HIKESHI: variants seen among roughly 807,000 people sequenced by gnomAD.
HIKESHI encodes the protein heat shock protein nuclear import factor hikeshi.
A neutral mutation model predicts 25.7 loss-of-function variants in HIKESHI; 13 were observed. The observed-to-expected ratio is 0.51, with a 90% confidence interval of 0.33 to 0.80. The LOEUF is 0.80. HIKESHI is among the 30% of genes least tolerant of loss of function. The probability of loss-of-function intolerance (pLI) is 0.02; values close to 1 mark genes in which losing one functional copy is unlikely to be tolerated. For missense variants in HIKESHI, 174 were observed against 229.5 expected (o/e 0.76, Z 1.56); for synonymous variants, 76 against 78.7 (o/e 0.97, Z 0.18).
intron 2 of HIKESHI, among the ~76,000 whole-genome samples, chr11:86,318,303 C>CAAAAAAAAAAAAAAAAAAAAAAAAAAAAA (rs71040230): frequency 1.1e-3 from 38 of 35,660 alleles, no homozygotes; most frequent in Non-Finnish European, 1.5e-3. Context: ...GACTCCGTCT[C>CAAAAAAAAAAAAAAAAAAAAAAAAAAAAA]AAAAAAAAAA....
intron 2 of HIKESHI, among the ~76,000 whole-genome samples, chr11:86,331,461 C>T (rs1475285928): frequency 1.3e-5 from 2 of 152,126 alleles, no homozygotes; most frequent in Non-Finnish European, 2.9e-5. Flanking sequence ...AGCACTCCAG[C>T]CTGGACAACA....
At chr11:86,305,517 C>A (rs1436227311) in intron 1 of HIKESHI, among the ~76,000 whole-genome samples, 1 of 148,338 alleles carries the variant, frequency 6.7e-6, no homozygotes, top group African/African-American at 2.5e-5. Flanking sequence ...CTCCCGAGTA[C>A]CTGGGATTAC....
At chr11:86,339,771 G>A (rs1176241450) in intron 3 of HIKESHI, among the ~76,000 whole-genome samples, 1 of 151,950 alleles carries the variant, frequency 6.6e-6, no homozygotes, top group African/African-American at 2.4e-5. Context: ...TATACTTTAA[G>A]TTCTAGGGTA....
chr11:86,339,212 A>ATTT (rs34543869), intron 3 of HIKESHI, among the ~76,000 whole-genome samples: 1 of 151,652 alleles, frequency 6.6e-6, no homozygotes, highest in Non-Finnish European at 1.5e-5. Context: ...GGCCCAGCTA[A>ATTT]TTTTTTTTGT....
intron 3 of HIKESHI, among the ~76,000 whole-genome samples, chr11:86,338,773 CT>C (rs1947640280): frequency 6.6e-6 from 1 of 152,080 alleles, no homozygotes; most frequent in African/African-American, 2.4e-5. Flanking sequence ...AAATAAGCTG[CT>C]GTGCTGAAAA....
At chr11:86,308,442 T>C (rs1344274592) in intron 2 of HIKESHI, among the ~76,000 whole-genome samples, 1 of 147,586 alleles carries the variant, frequency 6.8e-6, no homozygotes, top group Admixed American at 7.0e-5. Flanking sequence ...GATAGACTTG[T>C]ATAAAGCAAA....
chr11:86,309,519 T>C (rs1189172988), intron 2 of HIKESHI, among the ~76,000 whole-genome samples: 1 of 152,190 alleles, frequency 6.6e-6, no homozygotes, highest in East Asian at 1.9e-4. Flanking sequence ...ATTCTGTGGG[T>C]TGCCTGTTCA....
chr11:86,315,324 C>G, intron 2 of HIKESHI, among the ~76,000 whole-genome samples: 1 of 149,586 alleles, frequency 6.7e-6, no homozygotes, highest in East Asian at 2.0e-4. Flanking sequence ...AATAAAATAA[C>G]TTCCTTTTTT....
intron 1 of HIKESHI, among the ~76,000 whole-genome samples, chr11:86,304,109 C>T (rs1946560403): frequency 6.6e-6 from 1 of 152,110 alleles, no homozygotes; most frequent in Admixed American, 6.5e-5. Context: ...GGTCAGAATA[C>T]TTCTGAAGAG....
At chr11:86,331,577 G>A (rs988466369) in intron 2 of HIKESHI, among the ~76,000 whole-genome samples, 1 of 152,184 alleles carries the variant, frequency 6.6e-6, no homozygotes, top group African/African-American at 2.4e-5. Flanking sequence ...ACATTAGGGT[G>A]TAAGCTCTTT....
chr11:86,315,177 A>G (rs1328438279), intron 2 of HIKESHI, among the ~76,000 whole-genome samples: 1 of 152,224 alleles, frequency 6.6e-6, no homozygotes, highest in Non-Finnish European at 1.5e-5. Context: ...ATTACTGAAC[A>G]TTAAATATAA....
chr11:86,310,017 T>C (rs1438002130), intron 2 of HIKESHI, among the ~76,000 whole-genome samples: 2 of 150,072 alleles, frequency 1.3e-5, no homozygotes, highest in Non-Finnish European at 3.0e-5. Flanking sequence ...CCAGCTTTGT[T>C]CTTTTGGCTT....
intron 2 of HIKESHI, among the ~76,000 whole-genome samples, chr11:86,333,561 A>C (rs1035060895): frequency 9.2e-5 from 14 of 151,582 alleles, no homozygotes; most frequent in East Asian, 3.9e-4. Flanking sequence ...AACAAACAAA[A>C]AAAAAAAAGA....
intron 3 of HIKESHI, among the ~76,000 whole-genome samples, chr11:86,340,913 G>C (rs1383463247): frequency 6.6e-6 from 1 of 152,202 alleles, no homozygotes; most frequent in Admixed American, 6.5e-5. Context: ...AAAGTGTTGG[G>C]ATTACAGGCG....
chr11:86,345,535 C>A, intron 4 of HIKESHI, 49 bp from the exon 5 acceptor site: 2 of 1,054,620 alleles, frequency 1.9e-6, no homozygotes, highest in Non-Finnish European at 1.4e-6. Context: ...AATGAAAGAT[C>A]CTATTTTAAT....
In HIKESHI at chr11:86,337,481, A is replaced by C. The variant is rs1227767254; in HGVS notation, c.371A>C (p.Gln124Pro). 6.2e-7 allele frequency: 1 copy of C among 1,613,962 alleles called. No homozygotes were observed. The highest frequency in any genetic ancestry group is 1.3e-5 in the African/African-American group (1 of 74,930). Residue 124 changes from glutamine to proline, a missense_variant, in exon 3 of 5, where the codon CAG becomes CCG. Physicochemically the swap from Gln to Pro is moderately conservative, Grantham distance 76. Coordinates refer to ENST00000278483, the MANE Select transcript of HIKESHI (RefSeq NM_016401.4). ...SVELLDSMAQ[Q>P]TPVGNAAVSS... is the part of the protein sequence containing the mutation. Reference sequence around the variant, plus strand: ...GAATTATTAGACAGTATGGCTCAGCAGACTCCTGTAGGTAATGCTGCTGTA... The same window carrying C: ...GAATTATTAGACAGTATGGCTCAGCCGACTCCTGTAGGTAATGCTGCTGTA...
intron 1 of HIKESHI, among the ~76,000 whole-genome samples, chr11:86,304,446 A>G (rs534576380): frequency 1.8e-4 from 28 of 151,424 alleles, no homozygotes; most frequent in Middle Eastern, 3.4e-3. Context: ...ACTTTTTCAT[A>G]TTACGAGGAC....
chr11:86,329,028 G>A (rs1947354969), intron 2 of HIKESHI, among the ~76,000 whole-genome samples: 1 of 151,696 alleles, frequency 6.6e-6, no homozygotes, highest in Admixed American at 6.6e-5. Flanking sequence ...ATTTTGATGG[G>A]TTCCAAAAGT....
chr11:86,317,536 G>A (rs558771759), intron 2 of HIKESHI, among the ~76,000 whole-genome samples: 1 of 152,328 alleles, frequency 6.6e-6, no homozygotes, highest in Non-Finnish European at 1.5e-5. Context: ...TGGGTGTGGT[G>A]GCTCATGCCT....
Sources: allele counts gnomAD v4.1 joint callset (sites outside exome capture counted in the v4.1 genomes callset), GRCh38; gene constraint gnomAD v4.1.1; transcripts MANE v1.5; gene names NCBI Gene and HGNC (gene_info 2026-07-23, HGNC 2026-07-21).